Variants in NEBL observed in about 807,000 individuals in gnomAD.
The protein encoded by NEBL is LIM and SH3 protein 2.
Under a neutral mutation model 140.2 loss-of-function variants are expected in NEBL, and 122 were observed. The ratio of observed to expected loss-of-function variants is 0.87; its 90% CI spans 0.75 to 1.01. The LOEUF (loss-of-function observed/expected upper bound fraction) is 1.01, where lower values mean the gene tolerates loss of function less well. Among genes scored for constraint, NEBL ranks in the 50% least tolerant of loss-of-function variants. The probability of loss-of-function intolerance (pLI) is 0.00; values close to 1 mark genes in which losing one functional copy is unlikely to be tolerated. For synonymous variants in NEBL, 436 were observed against 398.9 expected (o/e 1.09, Z -1.11); for missense variants, 1,365 against 1,231.3 (o/e 1.11, Z -1.62).
chr10:20,823,813 T>A, intron 18 of NEBL, among the ~76,000 whole-genome samples: 1 of 151,136 alleles, frequency 6.6e-6, no homozygotes, highest in South Asian at 2.1e-4. Context: ...AAAAATAAAG[T>A]GAGCACAATA....
At chr10:21,006,011 A>C (rs549736740) in intron 3 of NEBL, among the ~76,000 whole-genome samples, 1 of 152,288 alleles carries the variant, frequency 6.6e-6, no homozygotes, top group African/African-American at 2.4e-5. Context: ...AAACGCAGGC[A>C]CACACAGAGG....
chr10:20,916,271 TG>T (rs765530475), intron 4 of NEBL, among the ~76,000 whole-genome samples: 4 of 152,096 alleles, frequency 2.6e-5, no homozygotes, highest in Non-Finnish European at 5.9e-5. Context: ...AACTGCAAAG[TG>T]GGGAAGGAGG....
intron 1 of NEBL, among the ~76,000 whole-genome samples, chr10:21,287,802 T>A (rs1011935411): frequency 2.0e-5 from 3 of 151,602 alleles, no homozygotes; most frequent in Non-Finnish European, 2.9e-5. Context: ...AACAAAAAAA[T>A]TGCAAAGAAA....
chr10:20,845,406 T>A, intron 11 of NEBL, 38 bp from the exon 12 acceptor site: 1 of 1,239,118 alleles, frequency 8.1e-7, no homozygotes, highest in Non-Finnish European at 1.2e-6. Flanking sequence ...AGTTAGCAAA[T>A]ATCAGTGACC....
chr10:20,974,327 C>G (rs530097387), intron 3 of NEBL, among the ~76,000 whole-genome samples: 1 of 150,644 alleles, frequency 6.6e-6, no homozygotes, highest in Non-Finnish European at 1.5e-5. Flanking sequence ...AGTCTTGGCT[C>G]ACTGCAGCCT....
At chr10:21,192,780 G>A (rs61851506) in intron 3 of NEBL, among the ~76,000 whole-genome samples, 1 of 151,174 alleles carries the variant, frequency 6.6e-6, no homozygotes, top group African/African-American at 2.4e-5. Context: ...AGGAGGCAGA[G>A]GTCACAGTAA....
chr10:20,828,884 T>C (rs1840137238), intron 16 of NEBL, among the ~76,000 whole-genome samples: 1 of 152,308 alleles, frequency 6.6e-6, no homozygotes, highest in Non-Finnish European at 1.5e-5. Context: ...AAGATAGATT[T>C]GATTAAGGGA....
intron 3 of NEBL, among the ~76,000 whole-genome samples, chr10:21,199,704 A>T (rs1031715578): frequency 6.6e-6 from 1 of 152,146 alleles, no homozygotes; most frequent in Middle Eastern, 3.2e-3. Context: ...TGCTGGGGAC[A>T]TTGGCAGCTA....
At chr10:21,099,751 A>G (rs2131986923) in intron 2 of NEBL, among the ~76,000 whole-genome samples, 1 of 152,296 alleles carries the variant, frequency 6.6e-6, no homozygotes, top group Non-Finnish European at 1.5e-5. Context: ...AAATGAGGGT[A>G]TTTCCAACAT....
At chr10:20,971,758 C>A (rs1432935194) in intron 3 of NEBL, among the ~76,000 whole-genome samples, 1 of 152,020 alleles carries the variant, frequency 6.6e-6, no homozygotes, top group Middle Eastern at 3.4e-3. Flanking sequence ...GGACTATAGG[C>A]GCCCACCACC....
Position 21,281,662 on chromosome 10 carries a change from G to A in NEBL, n.182+11168C>T, listed in dbSNP as rs193023900. ...ACATTTGTTACCTACATAAACCTACGTTAACATATCACGATCACCTGGAGT... is the reference window on the plus strand; with the variant it reads ...ACATTTGTTACCTACATAAACCTACATTAACATATCACGATCACCTGGAGT... On this transcript the variant is annotated intron_variant and non_coding_transcript_variant, in intron 1 of 8. Transcript: ENST00000675702. 2.1e-4 allele frequency among the ~76,000 whole-genome samples: 32 copies of A among 152,046 alleles called. 1 individual carries two copies. The East Asian group carries it at 2.7e-3, about 13-fold the overall frequency.
At chr10:21,270,928 G>A (rs900127149) in intron 1 of NEBL, among the ~76,000 whole-genome samples, 6 of 152,278 alleles carry the variant, frequency 3.9e-5, no homozygotes, top group African/African-American at 1.4e-4. Flanking sequence ...TGGTGAGACT[G>A]TAAATTGGTA....
intron 2 of NEBL, among the ~76,000 whole-genome samples, chr10:21,035,497 C>G (rs998489086): frequency 2.6e-5 from 4 of 152,202 alleles, no homozygotes; most frequent in African/African-American, 9.6e-5. Flanking sequence ...AAGGCAGAAT[C>G]TAATCACAAA....
intron 4 of NEBL, among the ~76,000 whole-genome samples, chr10:20,933,255 A>T (rs550807776): frequency 1.3e-5 from 2 of 152,272 alleles, no homozygotes; most frequent in East Asian, 3.9e-4. Context: ...ATAAATTGTT[A>T]CCTGTGACCA....
intron 3 of NEBL, among the ~76,000 whole-genome samples, chr10:21,007,051 T>C (rs1044655942): frequency 6.6e-6 from 1 of 152,146 alleles, no homozygotes; most frequent in African/African-American, 2.4e-5. Flanking sequence ...TTGGGGTTTC[T>C]TTCAAAGAAA....
At chr10:20,998,210 G>T (rs1837747840) in intron 3 of NEBL, among the ~76,000 whole-genome samples, 1 of 152,142 alleles carries the variant, frequency 6.6e-6, no homozygotes, top group African/African-American at 2.4e-5. Flanking sequence ...TTTGGAGTCG[G>T]AAAGTCCTGA....
chr10:20,928,882 T>A (rs1834037857), intron 4 of NEBL, among the ~76,000 whole-genome samples: 1 of 152,214 alleles, frequency 6.6e-6, no homozygotes, highest in African/African-American at 2.4e-5. Context: ...GATCTTAGAC[T>A]ACTTCCATCT....
At chr10:20,840,508 C>T (rs779143029) in intron 13 of NEBL, among the ~76,000 whole-genome samples, 3 of 151,944 alleles carry the variant, frequency 2.0e-5, no homozygotes, top group African/African-American at 2.4e-5. Context: ...AAACTATTTT[C>T]GTTTATTATA....
At chr10:21,235,616 A>G (rs962779843) in intron 3 of NEBL, among the ~76,000 whole-genome samples, 8 of 152,222 alleles carry the variant, frequency 5.3e-5, no homozygotes, top group African/African-American at 1.4e-4. Context: ...CGCCAGGCCC[A>G]TAAGCATTTT....
Sources: gnomAD v4.1 joint callset for allele counts (sites outside exome capture counted in the v4.1 genomes callset) on GRCh38, gnomAD v4.1.1 for gene constraint, MANE v1.5 for transcripts, NCBI Gene and HGNC (gene_info 2026-07-23, HGNC 2026-07-21) for gene names.